The following ACOT9 variants were observed in gnomAD, a reference collection of about 807,000 sequenced individuals.
The protein encoded by ACOT9 is acyl-CoA thioesterase 9, also known as acyl-coenzyme A thioesterase 9, mitochondrial.
Under a neutral mutation model 39.7 loss-of-function variants are expected in ACOT9, and 34 were observed. The ratio of observed to expected loss-of-function variants is 0.86; its 90% CI spans 0.65 to 1.14. ACOT9 has a LOEUF of 1.14. Among genes scored for constraint, ACOT9 ranks in the 50% most tolerant of loss-of-function variants. The pLI is 0.00. For missense variants in ACOT9, 313 were observed against 344.1 expected (o/e 0.91, Z 0.71); for synonymous variants, 110 against 120.5 (o/e 0.91, Z 0.57).
At position 23,712,226 on chromosome X, in the gene ACOT9, A is replaced by AC. The variant is rs67539657; in HGVS notation, c.662+908dup. On this transcript the variant is annotated intron_variant, in intron 9 of 15. Coordinates refer to ENST00000379303, the MANE Select transcript of ACOT9 (RefSeq NM_001037171.2). ...ACCAGCCTGGGCAACATAGTGAAAC[A>AC]CCCCCCCATCTCTACTAAAAATACA... Among the ~76,000 whole-genome samples, 10 of 104,609 alleles carry AC rather than the reference A, an allele frequency of 9.6e-5. No individual in the cohort carries two copies. The East Asian group carries it at 1.5e-3, about 16-fold the overall frequency. The allele number at this position is 104,609 out of a possible 115,157, so 90.8% of individuals were successfully genotyped here.
At chrX:23,735,896 T>A in intron 2 of ACOT9, 23 bp downstream of exon 2, 1 of 1,190,874 alleles carries the variant, frequency 8.4e-7, no homozygotes, top group Non-Finnish European at 1.1e-6. Flanking sequence ...CACATAGGCA[T>A]CAAACAGAGA....
chrX:23,705,942 T>G, intron 11 of ACOT9, 84 bp from the exon 12 acceptor site: 1 of 823,572 alleles, frequency 1.2e-6, no homozygotes, highest in Non-Finnish European at 1.8e-6. Context: ...TCACTCCCAA[T>G]ACACTCAGAC....
chrX:23,710,803 G>A (rs188068819), intron 9 of ACOT9, among the ~76,000 whole-genome samples: 312 of 108,120 alleles, frequency 2.9e-3, no homozygotes, highest in Middle Eastern at 9.5e-3. Context: ...CACCCCAGCC[G>A]GGGCAACAAG....
At chrX:23,740,717 TACACAC>T (rs67075682) in intron 1 of ACOT9, among the ~76,000 whole-genome samples, 203 of 92,069 alleles carry the variant, frequency 2.2e-3, no homozygotes, top group East Asian at 0.014. Context: ...CCCCAATACA[TACACAC>T]ACACACACAC....
At chrX:23,740,470 A>T (rs1280870076) in intron 1 of ACOT9, among the ~76,000 whole-genome samples, 1 of 110,384 alleles carries the variant, frequency 9.1e-6, no homozygotes, top group Non-Finnish European at 1.9e-5. Context: ...GAAACTGTGG[A>T]CCTCGAGCGG....
chrX:23,730,209 C>T (rs768095135), intron 6 of ACOT9, among the ~76,000 whole-genome samples: 28 of 105,527 alleles, frequency 2.7e-4, no homozygotes, highest in East Asian at 6.0e-4. Flanking sequence ...ATTCTCTTGC[C>T]TCAGCCTCCC....
intron 9 of ACOT9, among the ~76,000 whole-genome samples, chrX:23,712,637 T>C (rs184297679): frequency 1.5e-4 from 17 of 111,699 alleles, no homozygotes; most frequent in African/African-American, 5.5e-4. Context: ...TGTTGTTGTT[T>C]TGAGATGGAG....
Position 23,703,996 on chromosome X carries a change from A to G in ACOT9, c.1259-14T>C. ...ACAACATGGACTCTGAAACACAAGA[A>G]AGAGAACCTTGGAGAAACTTGTAAT... is the stretch of plus-strand genomic sequence containing the variant. On this transcript the variant is annotated splice_polypyrimidine_tract_variant and intron_variant, in intron 15 of 15. Transcript: ENST00000379303. The G allele has an allele frequency of 1.7e-6, 2 of 1,187,483 alleles. No individual in the cohort carries two copies. Among genetic ancestry groups the G allele is most frequent in the Non-Finnish European group, 2.3e-6 (2 of 874,543 alleles).
At chrX:23,727,964 C>T (rs1175289249) in intron 6 of ACOT9, among the ~76,000 whole-genome samples, 2 of 100,889 alleles carry the variant, frequency 2.0e-5, no homozygotes, top group Non-Finnish European at 4.0e-5. Context: ...GACCACTCTA[C>T]TCCAGGCCGG....
rs1183930122 is a variant in ACOT9 at position 23,706,599 on chromosome X, T to C, written c.842+29A>G. On this transcript the variant is annotated intron_variant, in intron 11 of 15. Transcript: ENST00000379303. The stretch of plus-strand genomic sequence containing the variant: ...AAAAAAAGGCCAAGGTTTAAATGTT[T>C]TCCCAACGTGGAATCTCACCATCCT... 3.0e-6 allele frequency: 3 copies of C among 999,471 alleles called. No individual in the cohort carries two copies. In the South Asian group the frequency reaches 5.9e-5, roughly 20 times the overall value. The allele number at this position is 999,471 out of a possible 1,213,427, so 82.4% of individuals were successfully genotyped here.
intron 6 of ACOT9, among the ~76,000 whole-genome samples, 187 bp from the exon 7 acceptor site, chrX:23,722,940 A>G (rs1294577341): frequency 9.0e-6 from 1 of 111,487 alleles, no homozygotes; most frequent in East Asian, 2.8e-4. Flanking sequence ...AGATCCTCCA[A>G]TCTGACTGCC....
chrX:23,738,425 A>C (rs1293291880), intron 1 of ACOT9, among the ~76,000 whole-genome samples: 1 of 107,353 alleles, frequency 9.3e-6, no homozygotes, highest in Admixed American at 1.0e-4. Flanking sequence ...CCTGGCCAAC[A>C]TGGTGAAACC....
At chrX:23,736,093 G>C in intron 1 of ACOT9, 77 bp from the exon 2 acceptor site, 2 of 825,815 alleles carry the variant, frequency 2.4e-6, no homozygotes, top group South Asian at 2.4e-5. Flanking sequence ...CCTCCTCCCA[G>C]AGTATCTGGC....
chrX:23,716,977 C>T (rs1310510102), intron 8 of ACOT9, among the ~76,000 whole-genome samples: 1 of 111,818 alleles, frequency 8.9e-6, no homozygotes, highest in South Asian at 3.7e-4. Context: ...GCCTCAGCCT[C>T]CGCAGTAGCT....
chrX:23,713,082 T>C lies in ACOT9; in HGVS notation c.662+53A>G, dbSNP rs768054940. On this transcript the variant is annotated intron_variant, in intron 9 of 15. Transcript: ENST00000379303. ...TTCATTATAGTTTTCTCTCCAGTCT[T>C]ATGTATCTTTGAAATTCTTCAAAAT... 1.1e-5 allele frequency: 11 copies of C among 1,011,933 alleles called. No individual in the cohort carries two copies. In the Admixed American group the frequency reaches 1.4e-4, roughly 12 times the overall value. 83.4% of individuals were successfully genotyped at this position (1,011,933 alleles called of 1,213,427 possible). A position where few individuals can be genotyped will look rare whatever the true frequency, so the allele number is the denominator to read the frequency against.
At chrX:23,705,991 G>A (rs756622053) in intron 11 of ACOT9, 133 bp from the exon 12 acceptor site, 34 of 540,466 alleles carry the variant, frequency 6.3e-5, no homozygotes, top group South Asian at 8.9e-5. Context: ...TAGGCCAGGC[G>A]CGGTGGCTCA....
In ACOT9 at chrX:23,714,252, C is replaced by T. The variant is rs187119971; in HGVS notation, c.589-1044G>A. ...CCAGACGGACCTCCCATCATGCTCACAAACACTAGTATGTTTCAGGGAACT... is the reference window on the plus strand; with the variant it reads ...CCAGACGGACCTCCCATCATGCTCATAAACACTAGTATGTTTCAGGGAACT... On this transcript the variant is annotated intron_variant, in intron 8 of 15. Coordinates refer to ENST00000379303, the MANE Select transcript of ACOT9 (RefSeq NM_001037171.2). Among the ~76,000 whole-genome samples the T allele has an allele frequency of 3.9e-3, 435 of 111,193 alleles. 6 individuals carry two copies. Among genetic ancestry groups the T allele is most frequent in the African/African-American group, 0.013 (398 of 30,704 alleles).
Position 23,701,459 on chromosome X carries a change from A to C in ACOT9, c.*2435T>G, listed in dbSNP as rs1346525628. 9.0e-6 allele frequency among the ~76,000 whole-genome samples: 1 copy of C among 111,077 alleles called. No homozygotes were observed. Among genetic ancestry groups the C allele is most frequent in the Non-Finnish European group, 1.9e-5 (1 of 53,045 alleles). The stretch of plus-strand genomic sequence containing the variant: ...AGGTGCTTGTTGACACTGTGATTTC[A>C]ATAAACATTACATAAACTAATATAA... On this transcript the variant is annotated 3_prime_UTR_variant, in exon 16 of 16. Transcript: ENST00000379303.
chrX:23,721,439 T>G (rs1929315115), intron 8 of ACOT9, among the ~76,000 whole-genome samples: 1 of 100,690 alleles, frequency 9.9e-6, no homozygotes, highest in Non-Finnish European at 2.0e-5. Flanking sequence ...GTATTGTGTT[T>G]TATTTATATT....
Sources: allele counts gnomAD v4.1 joint callset (sites outside exome capture counted in the v4.1 genomes callset), GRCh38; gene constraint gnomAD v4.1.1; transcripts MANE v1.5; gene names NCBI Gene and HGNC (gene_info 2026-07-23, HGNC 2026-07-21).